The following ARL13B variants were observed in gnomAD, a reference collection of about 807,000 sequenced individuals.
ARL13B encodes ARF like GTPase 13B.
A neutral mutation model predicts 56.1 loss-of-function variants in ARL13B; 36 were observed. The observed-to-expected ratio is 0.64, with a 90% CI of 0.49 to 0.85. The LOEUF (loss-of-function observed/expected upper bound fraction) is 0.85, where lower values mean the gene tolerates loss of function less well. Ranked by LOEUF, ARL13B falls within the 40% of genes least tolerant of loss-of-function variation. The probability of loss-of-function intolerance (pLI) is 0.00; values close to 1 mark genes in which losing one functional copy is unlikely to be tolerated. For synonymous variants in ARL13B, 178 were observed against 171.1 expected (o/e 1.04, Z -0.32); for missense variants, 519 against 507.1 (o/e 1.02, Z -0.23).
rs757564877 is a variant in ARL13B at position 94,053,646 on chromosome 3, G to A, written c.*383G>A. On this transcript the variant is annotated 3_prime_UTR_variant, in exon 10 of 10. Coordinates refer to ENST00000394222, the MANE Select transcript of ARL13B (RefSeq NM_001174150.2). ...TATTTCTAGATATTAAATATTTTTT[G>A]TAAGATATATGCACATAGAAGGGGG... The A allele has an allele frequency of 1.4e-5, 6 of 441,748 alleles. No homozygotes were observed. The highest frequency in any genetic ancestry group is 1.8e-5 in the Non-Finnish European group (4 of 223,254). The allele number at this position is 441,748 out of a possible 1,614,324, so 27.4% of individuals were successfully genotyped here. A position where few individuals can be genotyped will look rare whatever the true frequency, so the allele number is the denominator to read the frequency against.
At chr3:93,989,097 T>C (rs894734639) in intron 1 of ARL13B, among the ~76,000 whole-genome samples, 2 of 152,214 alleles carry the variant, frequency 1.3e-5, no homozygotes, top group African/African-American at 4.8e-5. Flanking sequence ...TGTTAATTAG[T>C]ACCTTGAAAC....
At chr3:94,039,729 A>G (rs1227500354) in intron 5 of ARL13B, 151 bp from the exon 6 acceptor site, 3 of 638,972 alleles carry the variant, frequency 4.7e-6, no homozygotes, top group East Asian at 5.7e-5. Context: ...TCTTACCTGC[A>G]TAAGGATTTT....
chr3:94,041,640 T>C (rs1053512103), intron 6 of ARL13B, among the ~76,000 whole-genome samples: 2 of 152,172 alleles, frequency 1.3e-5, no homozygotes, highest in African/African-American at 4.8e-5. Flanking sequence ...ATAGAACACA[T>C]AGTCTTATGT....
chr3:94,048,199 TAGC>T (rs1398911345), intron 7 of ARL13B: 1 of 152,164 alleles, frequency 6.6e-6, no homozygotes, highest in Non-Finnish European at 1.5e-5. Context: ...ATACAAAAAT[TAGC>T]AGCATATAGT....
Position 94,008,732 on chromosome 3 carries a change from T to TG in ARL13B, c.380+4825dup, listed in dbSNP as rs1277048987. Reference sequence around the variant, plus strand: ...TTCTTTTTATAGTTGAATCTCCTAATGCTTTTAACCAAAGTTATCCTGGAG... The same window carrying TG: ...TTCTTTTTATAGTTGAATCTCCTAATGGCTTTTAACCAAAGTTATCCTGGAG... On this transcript the variant is annotated intron_variant, in intron 3 of 9. Transcript: ENST00000394222. Among the ~76,000 whole-genome samples the TG allele has an allele frequency of 2.0e-5, 3 of 152,148 alleles. No individual in the cohort carries two copies. In the East Asian group the frequency reaches 5.8e-4, roughly 29 times the overall value.
chr3:93,988,461 G>T (rs763469550), intron 1 of ARL13B, among the ~76,000 whole-genome samples: 3 of 152,180 alleles, frequency 2.0e-5, no homozygotes, highest in Non-Finnish European at 4.4e-5. Context: ...AACAACCAGA[G>T]AATTATTTCA....
intron 5 of ARL13B, among the ~76,000 whole-genome samples, chr3:94,037,990 A>C (rs953397849): frequency 6.6e-6 from 1 of 152,142 alleles, no homozygotes; most frequent in African/African-American, 2.4e-5. Context: ...ATACTCCATA[A>C]TTAAAAGCAA....
At chr3:94,039,198 T>C (rs2076820192) in intron 5 of ARL13B, among the ~76,000 whole-genome samples, 1 of 152,106 alleles carries the variant, frequency 6.6e-6, no homozygotes, top group Non-Finnish European at 1.5e-5. Flanking sequence ...AGAAAAGAAT[T>C]AATAAGAATA....
At position 94,045,398 on chromosome 3, in the gene ARL13B, G is replaced by A. The variant is rs565160324; in HGVS notation, c.1024+2158G>A. ...TTCTCTCCACTATTATCCTATGACCGTGCCACATCCCCCTCTCCGAGAAAC... is the reference window on the plus strand; with the variant it reads ...TTCTCTCCACTATTATCCTATGACCATGCCACATCCCCCTCTCCGAGAAAC... On this transcript the variant is annotated intron_variant, in intron 7 of 9. Transcript: ENST00000394222. Among the ~76,000 whole-genome samples, 16 of 148,272 alleles carry A rather than the reference G, an allele frequency of 1.1e-4. No individual in the cohort carries two copies. In the South Asian group the frequency reaches 2.1e-3, roughly 20 times the overall value.
chr3:94,029,330 A>ATTTTT (rs1559997668), intron 3 of ARL13B, among the ~76,000 whole-genome samples: 5 of 71,222 alleles, frequency 7.0e-5, no homozygotes, highest in African/African-American at 2.2e-4. Flanking sequence ...ATATATATAT[A>ATTTTT]TATATTTATT....
At chr3:94,004,457 T>C (rs1344525839) in intron 3 of ARL13B, among the ~76,000 whole-genome samples, 1 of 152,138 alleles carries the variant, frequency 6.6e-6, no homozygotes, top group Non-Finnish European at 1.5e-5. Flanking sequence ...CAAAGGACTT[T>C]TGCACTACCA....
At chr3:94,019,653 T>G (rs1222162186) in intron 3 of ARL13B, among the ~76,000 whole-genome samples, 1 of 151,510 alleles carries the variant, frequency 6.6e-6, no homozygotes, top group African/African-American at 2.4e-5. Flanking sequence ...TCAGACCATG[T>G]CATTCCTGTG....
At chr3:94,018,750 C>T (rs1490332424) in intron 3 of ARL13B, among the ~76,000 whole-genome samples, 1 of 152,028 alleles carries the variant, frequency 6.6e-6, no homozygotes, top group Non-Finnish European at 1.5e-5. Flanking sequence ...TTGCTCAGAC[C>T]AGAGACTCAG....
intron 4 of ARL13B, among the ~76,000 whole-genome samples, chr3:94,035,916 A>G (rs1364683977): frequency 6.6e-6 from 1 of 152,092 alleles, no homozygotes; most frequent in East Asian, 1.9e-4. Context: ...TACAAAAAAT[A>G]CAAAAACTAG....
chr3:94,020,171 T>C (rs2076418176), intron 3 of ARL13B, among the ~76,000 whole-genome samples: 1 of 152,130 alleles, frequency 6.6e-6, no homozygotes, highest in East Asian at 1.9e-4. Context: ...AAGTAGAGGG[T>C]CTTTATTCTT....
chr3:94,020,927 C>T (rs775219128), intron 3 of ARL13B, among the ~76,000 whole-genome samples: 16 of 152,020 alleles, frequency 1.1e-4, no homozygotes, highest in Non-Finnish European at 1.8e-4. Context: ...AGATTCCATA[C>T]GCCTCTTCCT....
At position 94,053,782 on chromosome 3, in the gene ARL13B, GT is replaced by G; in HGVS notation, c.*522del. The G allele has an allele frequency of 3.4e-6, 1 of 292,736 alleles. No individual in the cohort carries two copies. The highest frequency in any genetic ancestry group is 6.6e-6 in the Non-Finnish European group (1 of 151,156). 18.1% of individuals were successfully genotyped at this position (292,736 alleles called of 1,614,324 possible). A position where few individuals can be genotyped will look rare whatever the true frequency, so the allele number is the denominator to read the frequency against. ...TATACACCTTTTTTATAGATGATTT[GT>G]TTAAATTATATCTGGAAAATAGAGT... is the stretch of plus-strand genomic sequence containing the variant. On this transcript the variant is annotated 3_prime_UTR_variant, in exon 10 of 10. Transcript: ENST00000394222.
At chr3:94,042,136 TA>T (rs749727107) in intron 6 of ARL13B, among the ~76,000 whole-genome samples, 1 of 152,128 alleles carries the variant, frequency 6.6e-6, no homozygotes, top group Admixed American at 6.5e-5. Context: ...CAAATGAAAA[TA>T]ACACTAAGTT....
Position 94,036,775 on chromosome 3 carries a change from C to T in ARL13B, c.689+21C>T, listed in dbSNP as rs1280528571. ...GAAAGGTAAGTAGATTAATTTTGTACCACAGTGCATTTGAAGGATCAAAAA... is the reference window on the plus strand; with the variant it reads ...GAAAGGTAAGTAGATTAATTTTGTATCACAGTGCATTTGAAGGATCAAAAA... On this transcript the variant is annotated intron_variant, in intron 5 of 9. Transcript: ENST00000394222. 4 of 1,594,648 alleles carry T rather than the reference C, an allele frequency of 2.5e-6. No individual in the cohort carries two copies. The African/African-American group carries it at 4.1e-5, about 16-fold the overall frequency.
Sources: allele counts gnomAD v4.1 joint callset (sites outside exome capture counted in the v4.1 genomes callset), GRCh38; gene constraint gnomAD v4.1.1; transcripts MANE v1.5; gene names NCBI Gene and HGNC (gene_info 2026-07-23, HGNC 2026-07-21).